Variants in RASGRF1 observed in about 807,000 individuals in gnomAD.
RASGRF1 encodes Ras protein specific guanine nucleotide releasing factor 1.
Under a neutral mutation model 138.7 loss-of-function variants are expected in RASGRF1, and 40 were observed. The ratio of observed to expected loss-of-function variants is 0.29; its 90% confidence interval spans 0.22 to 0.38. The LOEUF (loss-of-function observed/expected upper bound fraction) is 0.38, where lower values mean the gene tolerates loss of function less well. Among genes scored for constraint, RASGRF1 ranks in the 10% least tolerant of loss-of-function variants. RASGRF1 has a pLI of 1.00. For synonymous variants in RASGRF1, 614 were observed against 663.2 expected, an observed-to-expected ratio of 0.93 and a Z score of 1.14; for missense variants, 1,108 against 1,650.4, an observed-to-expected ratio of 0.67 and a Z score of 5.69.
intron 24 of RASGRF1, among the ~76,000 whole-genome samples, chr15:78,975,659 C>T (rs555276195): frequency 6.6e-6 from 1 of 152,198 alleles, no homozygotes; most frequent in African/African-American, 2.4e-5. Flanking sequence ...TACATGCATG[C>T]ACCACCATAC....
intron 10 of RASGRF1, among the ~76,000 whole-genome samples, chr15:79,024,352 CACAT>C (rs1413987167): frequency 6.6e-6 from 1 of 151,950 alleles, no homozygotes; most frequent in Non-Finnish European, 1.5e-5. Context: ...AGACACAACA[CACAT>C]AGAGGCAAAC....
chr15:79,047,696 C>T (rs1473499204), intron 4 of RASGRF1, among the ~76,000 whole-genome samples: 1 of 152,134 alleles, frequency 6.6e-6, no homozygotes, highest in Non-Finnish European at 1.5e-5. Flanking sequence ...CTTGGAGTGG[C>T]CTCATGTTGG....
At chr15:79,020,000 G>T (rs2056936745) in intron 11 of RASGRF1, 41 bp downstream of exon 11, 3 of 1,607,378 alleles carry the variant, frequency 1.9e-6, no homozygotes, top group South Asian at 2.2e-5. Flanking sequence ...GTGTGTATCT[G>T]TGCAAGCACA....
chr15:78,979,085 C>G (rs1295812386), intron 24 of RASGRF1: 1 of 1,290,094 alleles, frequency 7.8e-7, no homozygotes, highest in Non-Finnish European at 1.0e-6. Context: ...CGGGGGCGGA[C>G]GGACGGACAA....
chr15:79,043,771 A>G (rs1414504321), intron 5 of RASGRF1, among the ~76,000 whole-genome samples: 2 of 152,222 alleles, frequency 1.3e-5, no homozygotes, highest in African/African-American at 4.8e-5. Flanking sequence ...CTAGGCAGGC[A>G]TGCACACTGC....
At chr15:79,088,424 T>C (rs2058010023) in intron 1 of RASGRF1, among the ~76,000 whole-genome samples, 2 of 152,236 alleles carry the variant, frequency 1.3e-5, no homozygotes, top group Non-Finnish European at 2.9e-5. Flanking sequence ...CTTCATTTTG[T>C]AGATTACAAA....
chr15:78,970,338 T>C (rs1466563809), intron 26 of RASGRF1, among the ~76,000 whole-genome samples: 1 of 152,132 alleles, frequency 6.6e-6, no homozygotes, highest in Non-Finnish European at 1.5e-5. Flanking sequence ...CTGACCAATA[T>C]GGTGAAACTC....
At chr15:78,979,072 C>T (rs1166425734) in intron 24 of RASGRF1, 11 of 1,290,416 alleles carry the variant, frequency 8.5e-6, no homozygotes, top group South Asian at 1.2e-5. Context: ...TGGAGTGGTG[C>T]CCCGGGGGCG....
chr15:79,011,461 T>C (rs2056793219), intron 13 of RASGRF1, among the ~76,000 whole-genome samples: 1 of 152,196 alleles, frequency 6.6e-6, no homozygotes, highest in Admixed American at 6.5e-5. Flanking sequence ...TTAATATTCA[T>C]GAGGCATATG....
chr15:78,998,698 C>T (rs1299385269), intron 18 of RASGRF1, 21 bp downstream of exon 18: 2 of 1,594,808 alleles, frequency 1.3e-6, no homozygotes, highest in East Asian at 2.2e-5. Flanking sequence ...AGCAGCCTGC[C>T]CAGGGAGGGC....
chr15:79,018,251 G>C (rs1217649919), intron 11 of RASGRF1, among the ~76,000 whole-genome samples: 1 of 152,240 alleles, frequency 6.6e-6, no homozygotes, highest in Non-Finnish European at 1.5e-5. Flanking sequence ...GCCAAGCCAG[G>C]GCAGGGCTAG....
intron 1 of RASGRF1, among the ~76,000 whole-genome samples, chr15:79,082,517 T>C (rs1019251043): frequency 7.9e-5 from 12 of 152,176 alleles, no homozygotes; most frequent in African/African-American, 2.9e-4. Flanking sequence ...CTGATGGAGA[T>C]CTGGGGGTTG....
At chr15:78,991,592 C>A (rs1567464119) in intron 21 of RASGRF1, 99 bp downstream of exon 21, 2 of 930,066 alleles carry the variant, frequency 2.2e-6, no homozygotes, top group Non-Finnish European at 3.5e-6. Context: ...TGTGGAGGGT[C>A]CGTGCAGCTC....
chr15:79,053,248 A>C (rs1194561726), intron 3 of RASGRF1, among the ~76,000 whole-genome samples: 1 of 152,108 alleles, frequency 6.6e-6, no homozygotes, highest in African/African-American at 2.4e-5. Flanking sequence ...CTGGGCGACA[A>C]GATCGAAAAA....
At chr15:78,981,986 G>A (rs2056043516) in intron 23 of RASGRF1, among the ~76,000 whole-genome samples, 1 of 152,184 alleles carries the variant, frequency 6.6e-6, no homozygotes, top group Non-Finnish European at 1.5e-5. Context: ...CACCTGCAGA[G>A]GAATGACCTG....
rs201273378 is a variant in RASGRF1 at position 79,006,431 on chromosome 15, G to A, written c.1830C>T (p.Ser610=). The A allele has an allele frequency of 2.0e-5, 32 of 1,609,716 alleles. No homozygotes were observed. Among genetic ancestry groups the A allele is most frequent in the Admixed American group, 1.8e-4 (11 of 59,996 alleles). Residue 610 remains serine (S), a synonymous_variant, in exon 14 of 27, where the codon TCC becomes TCT. Coordinates refer to ENST00000558480, the MANE Select transcript of RASGRF1 (RefSeq NM_001145648.3). The surrounding 1 kb of genome is among the most constrained non-coding windows in gnomAD (Gnocchi z 4.0). The part of the protein sequence containing the change: ...SKVTVPQMIK[S]DASLYCDDVD... Reference sequence around the variant, plus strand: ...CATCATCACAATATAAGGAGGCGTCGGACCTGAGAGGGGAGGAAGGATGCA... The same window carrying A: ...CATCATCACAATATAAGGAGGCGTCAGACCTGAGAGGGGAGGAAGGATGCA...
rs145366227 is a variant in RASGRF1 at position 79,029,532 on chromosome 15, G to A, written c.1263-1673C>T. Among the ~76,000 whole-genome samples, 31 of 152,254 alleles carry A rather than the reference G, an allele frequency of 2.0e-4. 1 individual carries two copies. The highest frequency in any genetic ancestry group is 7.7e-4 in the East Asian group (4 of 5,166). On this transcript the variant is annotated intron_variant, in intron 8 of 26. Coordinates refer to ENST00000558480, the MANE Select transcript of RASGRF1 (RefSeq NM_001145648.3). Reference sequence around the variant, plus strand: ...CACAGCTGGGGAGCTCTGGGAAGGCGGTGGGAGTTTCAAGGTCGCGAGGCT... The same window carrying A: ...CACAGCTGGGGAGCTCTGGGAAGGCAGTGGGAGTTTCAAGGTCGCGAGGCT...
At chr15:78,963,395 G>A (rs1422531200) in intron 26 of RASGRF1, among the ~76,000 whole-genome samples, 3 of 151,806 alleles carry the variant, frequency 2.0e-5, no homozygotes, top group Non-Finnish European at 2.9e-5. Context: ...TCTGCCTCCC[G>A]GGTTCAAGCA....
Position 78,962,138 on chromosome 15 carries a change from T to A in RASGRF1, c.*6A>T, listed in dbSNP as rs4778732. 1 allele frequency: 1,534,174 copies of A among 1,540,196 alleles called. 764,210 individuals are homozygous for A. The highest frequency in any genetic ancestry group is 1 in the East Asian group (43,328 of 43,328). ...GGGAGCAGCTGGGTCTGGGCTGGGC[T>A]CAGCTTCAGGTGGGGAGTTTTGGTT... On this transcript the variant is annotated 3_prime_UTR_variant, in exon 27 of 27. Transcript: ENST00000558480.
Sources: gnomAD v4.1 joint callset for allele counts (sites outside exome capture counted in the v4.1 genomes callset) on GRCh38, gnomAD v4.1.1 for gene constraint, Gnocchi (gnomAD v3.1) non-coding constraint, MANE v1.5 for transcripts, NCBI Gene and HGNC (gene_info 2026-07-23, HGNC 2026-07-21) for gene names.